Variants in RTL4 observed in about 807,000 individuals in gnomAD.
The protein encoded by RTL4 is retrotransposon Gag-like protein 4.
RTL4 carries 4 observed loss-of-function variants against 5.3 expected under a neutral mutation model. The observed-to-expected ratio is 0.75, with a 90% CI of 0.37 to 1.72. The LOEUF (loss-of-function observed/expected upper bound fraction) is 1.72, where lower values mean the gene tolerates loss of function less well. Among genes scored for constraint, RTL4 ranks in the 40% most tolerant of loss-of-function variants. The pLI is 0.04. For synonymous variants in RTL4, 98 were observed against 87.3 expected (o/e 1.12, Z -0.68); for missense variants, 260 against 227.1 (o/e 1.14, Z -0.93).
the RTL4 span, among the ~76,000 whole-genome samples, chrX:112,198,273 A>G: frequency 8.9e-6 from 1 of 111,886 alleles, no homozygotes; most frequent in African/African-American, 3.2e-5. Context: ...TCTCCCCACT[A>G]GTATATAAGC....
the RTL4 span, among the ~76,000 whole-genome samples, chrX:112,176,463 T>C: frequency 8.9e-6 from 1 of 111,737 alleles, no homozygotes; most frequent in African/African-American, 3.3e-5. Flanking sequence ...GGGCCTGGGG[T>C]AGAAGCCACA....
At chrX:112,242,344 C>T in the RTL4 span, among the ~76,000 whole-genome samples, 2 of 111,510 alleles carry the variant, frequency 1.8e-5, no homozygotes, top group Non-Finnish European at 3.8e-5. Flanking sequence ...AATGTAATTC[C>T]ATTCGTTTGT....
the RTL4 span, among the ~76,000 whole-genome samples, chrX:112,426,007 T>C: frequency 8.9e-6 from 1 of 111,914 alleles, no homozygotes; most frequent in Admixed American, 9.5e-5. Flanking sequence ...CATCGCCATA[T>C]CCAAGGTCAT....
At chrX:112,428,591 G>C in the RTL4 span, among the ~76,000 whole-genome samples, 6 of 111,633 alleles carry the variant, frequency 5.4e-5, no homozygotes, top group African/African-American at 1.9e-4. Context: ...CTATCTTGAT[G>C]AATGTTCCAT....
At chrX:112,449,871 G>A (rs771148737), upstream of RTL4, among the ~76,000 whole-genome samples, 12 of 112,307 alleles carry the variant, frequency 1.1e-4, no homozygotes, top group African/African-American at 9.7e-5. Context: ...CCCAGAGAGA[G>A]CGAGTGACTT....
chrX:112,143,324 T>C, the RTL4 span, among the ~76,000 whole-genome samples: 13 of 110,834 alleles, frequency 1.2e-4, no homozygotes, highest in African/African-American at 3.9e-4. Context: ...TTTTTTTTCA[T>C]AGATTTTAAA....
chrX:112,100,966 T>C, the RTL4 span, among the ~76,000 whole-genome samples: 18,541 of 111,440 alleles, frequency 0.17, 2,347 homozygotes, highest in African/African-American at 0.44. Context: ...CTGTCTTAGT[T>C]TTTGACAGAC....
At chrX:112,417,889 T>C in the RTL4 span, among the ~76,000 whole-genome samples, 1 of 112,143 alleles carries the variant, frequency 8.9e-6, no homozygotes, top group African/African-American at 3.2e-5. Context: ...GGCTCACGCC[T>C]GTAATCCCAG....
the RTL4 span, among the ~76,000 whole-genome samples, chrX:112,152,075 G>T: frequency 6.3e-5 from 7 of 111,635 alleles, no homozygotes; most frequent in African/African-American, 2.3e-4. Flanking sequence ...ACTTGACCGG[G>T]ATACTTTCTT....
chrX:112,364,105 G>A, the RTL4 span, among the ~76,000 whole-genome samples: 6 of 112,227 alleles, frequency 5.3e-5, no homozygotes, highest in South Asian at 7.4e-4. Context: ...TGGGAAGAAC[G>A]TGGGTAATGG....
chrX:112,237,588 A>G, the RTL4 span, among the ~76,000 whole-genome samples: 1 of 112,464 alleles, frequency 8.9e-6, no homozygotes, highest in Admixed American at 9.4e-5. Flanking sequence ...AAAATGAGGA[A>G]AACAAATTTT....
At chrX:112,166,126 T>C in the RTL4 span, among the ~76,000 whole-genome samples, 1 of 111,978 alleles carries the variant, frequency 8.9e-6, no homozygotes, top group Non-Finnish European at 1.9e-5. Context: ...TAAGAATCCA[T>C]GTTGTTCAGC....
At chrX:112,194,138 T>C in the RTL4 span, among the ~76,000 whole-genome samples, 1 of 112,204 alleles carries the variant, frequency 8.9e-6, no homozygotes. Context: ...CAGTGAGTGA[T>C]TATTGCATAA....
At chrX:112,402,844 C>T in the RTL4 span, among the ~76,000 whole-genome samples, 2 of 111,200 alleles carry the variant, frequency 1.8e-5, no homozygotes, top group Admixed American at 1.9e-4. Flanking sequence ...ATCTGAAGAA[C>T]CAGACAGCTT....
the RTL4 span, among the ~76,000 whole-genome samples, chrX:112,180,974 G>C: frequency 8.9e-6 from 1 of 111,783 alleles, no homozygotes; most frequent in African/African-American, 3.3e-5. Flanking sequence ...TTCCAACTGA[G>C]GTACCCGGCT....
At chrX:112,242,185 T>TA in the RTL4 span, among the ~76,000 whole-genome samples, 1 of 111,969 alleles carries the variant, frequency 8.9e-6, no homozygotes, top group Non-Finnish European at 1.9e-5. Context: ...GCGGGCTCTT[T>TA]TTTGATTCCA....
chrX:112,176,874 C>A, the RTL4 span, among the ~76,000 whole-genome samples: 3 of 111,073 alleles, frequency 2.7e-5, no homozygotes, highest in Non-Finnish European at 5.7e-5. Flanking sequence ...CTACTTGCTA[C>A]CTCCATGAGA....
chrX:112,220,279 T>TA, the RTL4 span, among the ~76,000 whole-genome samples: 3 of 112,789 alleles, frequency 2.7e-5, no homozygotes, highest in African/African-American at 9.6e-5. Flanking sequence ...AATATATATA[T>TA]TTTTAAAAAG....
chrX:112,441,402 T>C, the RTL4 span, among the ~76,000 whole-genome samples: 33 of 111,689 alleles, frequency 3.0e-4, no homozygotes, highest in Non-Finnish European at 5.3e-4. Context: ...CTACCATTTC[T>C]TAAAATATTT....
Sources: allele counts gnomAD v4.1 joint callset (sites outside exome capture counted in the v4.1 genomes callset), GRCh38; gene constraint gnomAD v4.1.1; transcripts MANE v1.5; gene names NCBI Gene and HGNC (gene_info 2026-07-23, HGNC 2026-07-21).